Variants in EYS observed in about 807,000 individuals in gnomAD.
The protein encoded by EYS is protein eyes shut homolog.
EYS carries 250 observed loss-of-function variants against 282.1 expected under a neutral mutation model. That is an observed-to-expected ratio of 0.89 (90% CI 0.80 to 0.98). The LOEUF (loss-of-function observed/expected upper bound fraction) is 0.98, where lower values mean the gene tolerates loss of function less well. Among genes scored for constraint, EYS ranks in the 50% least tolerant of loss-of-function variants. EYS has a pLI of 0.00. For missense variants in EYS, 4,016 were observed against 3,709.0 expected, an observed-to-expected ratio of 1.08 and a Z score of -2.15; for synonymous variants, 1,355 against 1,282.9, an observed-to-expected ratio of 1.06 and a Z score of -1.20.
intron 15 of EYS, among the ~76,000 whole-genome samples, chr6:64,922,691 T>C (rs1213515710): frequency 1.3e-5 from 2 of 152,204 alleles, no homozygotes; most frequent in Non-Finnish European, 2.9e-5. Flanking sequence ...GCACTGCTTC[T>C]AGTCTGCCAT....
intron 22 of EYS, among the ~76,000 whole-genome samples, chr6:64,736,090 C>G (rs1282406763): frequency 6.6e-6 from 1 of 152,070 alleles, no homozygotes; most frequent in East Asian, 1.9e-4. Flanking sequence ...CAAAGGTTTT[C>G]TTCTGATAGC....
intron 31 of EYS, among the ~76,000 whole-genome samples, chr6:64,097,483 C>G (rs555162759): frequency 6.6e-6 from 1 of 152,182 alleles, no homozygotes; most frequent in Non-Finnish European, 1.5e-5. Context: ...TCGCTTCTAC[C>G]TTGCAGTTTG....
intron 28 of EYS, among the ~76,000 whole-genome samples, chr6:64,423,741 G>A (rs1351989132): frequency 1.3e-5 from 2 of 152,154 alleles, no homozygotes; most frequent in African/African-American, 2.4e-5. Context: ...TCGGAAGGCA[G>A]AGGTTGCAGT....
chr6:64,306,958 C>T lies in EYS; in HGVS notation c.6191+12G>A, dbSNP rs764860564. ...GAACAAGTTATTAGAAAAATCACTA[C>T]TGCTATTTTACCTGCAATTGTTAAT... On this transcript the variant is annotated intron_variant, in intron 30 of 42. Transcript: ENST00000503581. 2.4e-6 allele frequency: 3 copies of T among 1,241,890 alleles called. No individual in the cohort carries two copies. The highest frequency in any genetic ancestry group is 1.5e-5 in the African/African-American group (1 of 66,808). 76.9% of individuals were successfully genotyped at this position (1,241,890 alleles called of 1,614,324 possible). A position where few individuals can be genotyped will look rare whatever the true frequency, so the allele number is the denominator to read the frequency against.
At chr6:64,502,567 T>G (rs1482297446) in intron 26 of EYS, among the ~76,000 whole-genome samples, 1 of 152,230 alleles carries the variant, frequency 6.6e-6, no homozygotes, top group Non-Finnish European at 1.5e-5. Flanking sequence ...TATTCTATGT[T>G]AGCAATGCAC....
At chr6:64,681,557 GA>G (rs1769895645) in intron 22 of EYS, among the ~76,000 whole-genome samples, 1 of 152,166 alleles carries the variant, frequency 6.6e-6, no homozygotes, top group African/African-American at 2.4e-5. Context: ...CGTCCACTAG[GA>G]ATGTCAGGTG....
chr6:65,080,672 T>A (rs1229070205), intron 12 of EYS, among the ~76,000 whole-genome samples: 1 of 152,076 alleles, frequency 6.6e-6, no homozygotes, highest in Non-Finnish European at 1.5e-5. Flanking sequence ...TCTCAAGATA[T>A]GATTTTTACC....
intron 33 of EYS, among the ~76,000 whole-genome samples, chr6:64,000,445 C>G (rs1044100576): frequency 6.6e-6 from 1 of 151,522 alleles, no homozygotes; most frequent in African/African-American, 2.4e-5. Context: ...TCCCCCCTCC[C>G]AACCTCGGCC....
At chr6:64,190,346 G>C (rs1765064846) in intron 31 of EYS, among the ~76,000 whole-genome samples, 1 of 152,190 alleles carries the variant, frequency 6.6e-6, no homozygotes, top group Non-Finnish European at 1.5e-5. Flanking sequence ...AGGAAGTTCA[G>C]ATACTGTCTA....
intron 19 of EYS, among the ~76,000 whole-genome samples, chr6:64,871,744 T>G (rs1036477078): frequency 6.6e-6 from 1 of 152,032 alleles, no homozygotes; most frequent in Non-Finnish European, 1.5e-5. Flanking sequence ...GATGCAGCTT[T>G]GATTTGTTTT....
chr6:65,192,986 T>C (rs1462577939), intron 12 of EYS, among the ~76,000 whole-genome samples: 2 of 151,836 alleles, frequency 1.3e-5, no homozygotes, highest in Non-Finnish European at 2.9e-5. Context: ...CACCCCACTA[T>C]GCTATTGAAT....
chr6:65,004,867 A>G (rs572344163), intron 13 of EYS, among the ~76,000 whole-genome samples: 1 of 148,108 alleles, frequency 6.8e-6, no homozygotes, highest in African/African-American at 2.4e-5. Context: ...CATCTAACAA[A>G]GTACCAGCAG....
At chr6:65,367,215 G>T (rs1402256838) in intron 8 of EYS, among the ~76,000 whole-genome samples, 1 of 151,558 alleles carries the variant, frequency 6.6e-6, no homozygotes, top group African/African-American at 2.4e-5. Flanking sequence ...TCCTTCTAAA[G>T]TACTGAGCTT....
At chr6:65,554,762 TA>T (rs1768733792) in intron 2 of EYS, among the ~76,000 whole-genome samples, 1 of 152,136 alleles carries the variant, frequency 6.6e-6, no homozygotes, top group South Asian at 2.1e-4. Flanking sequence ...CCCTGATTCA[TA>T]AAATGGCACA....
In EYS at chr6:65,674,450, CAAAAAAAAAAAAAAAA is replaced by C. The variant is rs56958605; in HGVS notation, c.-448+32669_-448+32684del. 1.2e-4 allele frequency among the ~76,000 whole-genome samples: 4 copies of C among 34,762 alleles called. No homozygotes were observed. In the East Asian group the frequency reaches 4.5e-3, roughly 40 times the overall value. The allele number at this position is 34,762 out of a possible 152,430, so 22.8% of individuals were successfully genotyped here. A position where few individuals can be genotyped will look rare whatever the true frequency, so the allele number is the denominator to read the frequency against. On this transcript the variant is annotated intron_variant, in intron 1 of 42. Coordinates refer to ENST00000503581, the MANE Select transcript of EYS (RefSeq NM_001142800.2). ...TGAGTGACAGAGCAAGACTCCGTCT[CAAAAAAAAAAAAAAAA>C]AAAAAAAAAAAGCAGCACAATAAAA...
chr6:65,243,816 G>A (rs9654562), intron 12 of EYS, among the ~76,000 whole-genome samples: 5,079 of 152,222 alleles, frequency 0.033, 257 homozygotes, highest in African/African-American at 0.11. Context: ...GGCTGAGGCA[G>A]GAGCATCACT....
At chr6:64,762,760 TG>T (rs1162588916) in intron 22 of EYS, among the ~76,000 whole-genome samples, 1 of 152,162 alleles carries the variant, frequency 6.6e-6, no homozygotes, top group Non-Finnish European at 1.5e-5. Context: ...ATTTGGTATT[TG>T]GGTCTTTTTC....
At chr6:64,072,635 G>A (rs1439339543) in intron 32 of EYS, among the ~76,000 whole-genome samples, 1 of 151,822 alleles carries the variant, frequency 6.6e-6, no homozygotes, top group East Asian at 1.9e-4. Context: ...GCATAAGGCG[G>A]TTCTTCTTTC....
chr6:64,533,673 A>G, intron 26 of EYS, among the ~76,000 whole-genome samples: 1 of 152,054 alleles, frequency 6.6e-6, no homozygotes, highest in East Asian at 1.9e-4. Flanking sequence ...TATTTATAAT[A>G]TAAAAATTAC....
Sources: gnomAD v4.1 joint callset for allele counts (sites outside exome capture counted in the v4.1 genomes callset) on GRCh38, gnomAD v4.1.1 for gene constraint, MANE v1.5 for transcripts, NCBI Gene and HGNC (gene_info 2026-07-23, HGNC 2026-07-21) for gene names.